ZNF609: variants seen among roughly 807,000 people sequenced by gnomAD.
ZNF609 encodes the protein zinc finger protein 609.
Under a neutral mutation model 109.5 loss-of-function variants are expected in ZNF609, and 11 were observed. The ratio of observed to expected loss-of-function variants is 0.10; its 90% CI spans 0.06 to 0.17. The LOEUF is 0.17. Among genes scored for constraint, ZNF609 ranks in the 10% least tolerant of loss-of-function variants. ZNF609 has a pLI of 1.00. For synonymous variants in ZNF609, 646 were observed against 662.0 expected (o/e 0.98, Z 0.37); for missense variants, 1,559 against 1,772.4 (o/e 0.88, Z 2.16).
At chr15:64,507,240 G>T (rs918352258) in intron 2 of ZNF609, among the ~76,000 whole-genome samples, 3 of 152,190 alleles carry the variant, frequency 2.0e-5, no homozygotes, top group African/African-American at 7.2e-5. Context: ...ACACAAGACT[G>T]CATGGAAAAA....
In ZNF609 at chr15:64,676,048, G is replaced by T. The variant is rs201049141; in HGVS notation, c.3194G>T (p.Gly1065Val). 29 of 1,614,090 alleles carry T rather than the reference G, an allele frequency of 1.8e-5. No individual in the cohort carries two copies. Among genetic ancestry groups the T allele is most frequent in the Non-Finnish European group, 2.1e-5 (25 of 1,180,042 alleles). ...SLTDLVKSGP[G>V]KAKEPGADPA... ...ACAGACCTGGTGAAATCAGGACCTGGCAAGGCCAAGGAGCCAGGGGCTGAC... is the reference window on the plus strand; with the variant it reads ...ACAGACCTGGTGAAATCAGGACCTGTCAAGGCCAAGGAGCCAGGGGCTGAC... The change falls in exon 5 of 10, where the codon GGC becomes GTC. Residue 1065 changes from glycine (G) to valine (V), a missense_variant. Gly to Val is a moderately radical substitution (Grantham distance 109, BLOSUM62 -3). This residue lies in a region of ZNF609 where 1,204 missense variants were observed against 1,314.1 expected (regional missense o/e 0.92). Transcript: ENST00000326648.
chr15:64,546,535 C>T (rs920475646), intron 2 of ZNF609, among the ~76,000 whole-genome samples: 8 of 148,342 alleles, frequency 5.4e-5, no homozygotes, highest in South Asian at 4.4e-4. Flanking sequence ...TGCGGTGGTG[C>T]GATCAGGGCT....
At chr15:64,571,180 A>T (rs1894854860) in intron 2 of ZNF609, among the ~76,000 whole-genome samples, 1 of 152,190 alleles carries the variant, frequency 6.6e-6, no homozygotes, top group South Asian at 2.1e-4. Context: ...CCAAGAGGGG[A>T]AAATAGGAAT....
In ZNF609 at chr15:64,674,704, A is replaced by G. The variant is rs771980347; in HGVS notation, c.1850A>G (p.Asp617Gly). 3 of 1,614,142 alleles carry G rather than the reference A, an allele frequency of 1.9e-6. No individual in the cohort carries two copies. Among genetic ancestry groups the G allele is most frequent in the South Asian group, 1.1e-5 (1 of 91,076 alleles). ...TCTGATGATGGACCCTCAGTGATGG[A>G]TGAAACAAGCAATGATGCCTTTGAT... ...DGSDDGPSVM[D>G]ETSNDAFDSL... is the part of the protein sequence containing the mutation. The change falls in exon 5 of 10, where the codon GAT becomes GGT. Residue 617 changes from aspartate (D) to glycine (G), a missense_variant. Transcript: ENST00000326648.
intron 2 of ZNF609, among the ~76,000 whole-genome samples, chr15:64,615,555 C>T (rs922856071): frequency 6.6e-6 from 1 of 150,416 alleles, no homozygotes; most frequent in Non-Finnish European, 1.5e-5. Context: ...AGCACGATCT[C>T]GGCTCACTAC....
At chr15:64,585,406 T>G (rs1895179806) in intron 2 of ZNF609, among the ~76,000 whole-genome samples, 1 of 152,160 alleles carries the variant, frequency 6.6e-6, no homozygotes, top group African/African-American at 2.4e-5. Context: ...TAATTCACAA[T>G]GGTCTTATGC....
At chr15:64,600,349 C>T (rs1895474624) in intron 2 of ZNF609, among the ~76,000 whole-genome samples, 1 of 148,822 alleles carries the variant, frequency 6.7e-6, no homozygotes, top group Non-Finnish European at 1.5e-5. Flanking sequence ...ACTCAGGAGG[C>T]TGAGGCAGGA....
At chr15:64,532,006 T>C (rs1894070598) in intron 2 of ZNF609, among the ~76,000 whole-genome samples, 1 of 152,196 alleles carries the variant, frequency 6.6e-6, no homozygotes, top group African/African-American at 2.4e-5. Context: ...TCTGTGCTTC[T>C]CTCTGCCATA....
At chr15:64,602,718 T>A (rs1895521105) in intron 2 of ZNF609, among the ~76,000 whole-genome samples, 2 of 6,016 alleles carry the variant, frequency 3.3e-4, no homozygotes, top group Non-Finnish European at 2.9e-3. Flanking sequence ...TTTTCTTTCT[T>A]TTTTTTTTTT....
Position 64,529,888 on chromosome 15 carries a change from G to A in ZNF609, c.747+29722G>A, listed in dbSNP as rs539718514. On this transcript the variant is annotated intron_variant, in intron 2 of 9. Transcript: ENST00000326648. Reference sequence around the variant, plus strand: ...TGGGATTACAGGCATGCGTCACCACGCCTGGCTAATTTTGTATTTTTAGTA... The same window carrying A: ...TGGGATTACAGGCATGCGTCACCACACCTGGCTAATTTTGTATTTTTAGTA... 7.9e-5 allele frequency among the ~76,000 whole-genome samples: 12 copies of A among 152,220 alleles called. No homozygotes were observed. The South Asian group carries it at 1.5e-3, about 18-fold the overall frequency.
At chr15:64,526,734 C>A (rs1893972641) in intron 2 of ZNF609, among the ~76,000 whole-genome samples, 1 of 152,132 alleles carries the variant, frequency 6.6e-6, no homozygotes, top group Non-Finnish European at 1.5e-5. Context: ...ACCTCCCAGG[C>A]TCAAGCAATC....
intron 2 of ZNF609, chr15:64,529,003 A>G (rs1894014376): frequency 6.6e-7 from 1 of 1,510,396 alleles, no homozygotes. Context: ...CTTCCCGTTC[A>G]GCTCAGGGAT....
At chr15:64,588,392 C>A (rs1213085964) in intron 2 of ZNF609, among the ~76,000 whole-genome samples, 1 of 111,490 alleles carries the variant, frequency 9.0e-6, no homozygotes, top group East Asian at 2.8e-4. Context: ...TGCCCTACTG[C>A]ACTCCAGCCT....
chr15:64,548,010 A>G (rs1367086311), intron 2 of ZNF609, among the ~76,000 whole-genome samples: 2 of 152,212 alleles, frequency 1.3e-5, no homozygotes, highest in African/African-American at 2.4e-5. Context: ...TTATTCAATG[A>G]TGACCCTTTG....
At chr15:64,572,885 G>GA (rs1894879498) in intron 2 of ZNF609, among the ~76,000 whole-genome samples, 1 of 152,240 alleles carries the variant, frequency 6.6e-6, no homozygotes, top group African/African-American at 2.4e-5. Flanking sequence ...TGGACAACAA[G>GA]AGCAAAACTC....
rs139420758 is a variant in ZNF609 at position 64,464,474 on chromosome 15, A to G, written c.-128+3636A>G. On this transcript the variant is annotated intron_variant, in intron 1 of 9. Coordinates refer to ENST00000326648, the MANE Select transcript of ZNF609 (RefSeq NM_015042.2). ...CATGGAAAACTGGTCATGGATGGGAATACTGCCAGGCAGATGGGATTAGCC... is the reference window on the plus strand; with the variant it reads ...CATGGAAAACTGGTCATGGATGGGAGTACTGCCAGGCAGATGGGATTAGCC... 3.1e-3 allele frequency among the ~76,000 whole-genome samples: 474 copies of G among 152,308 alleles called. 5 individuals are homozygous for G. The highest frequency in any genetic ancestry group is 0.011 in the African/African-American group (450 of 41,580).
intron 2 of ZNF609, among the ~76,000 whole-genome samples, chr15:64,595,087 C>T (rs934655515): frequency 1.3e-5 from 2 of 151,376 alleles, no homozygotes; most frequent in Admixed American, 1.3e-4. Flanking sequence ...GGGCCGGGCG[C>T]GGTGGCTCGT....
intron 1 of ZNF609, among the ~76,000 whole-genome samples, chr15:64,497,038 C>T (rs1277772289): frequency 6.6e-6 from 1 of 152,200 alleles, no homozygotes; most frequent in African/African-American, 2.4e-5. Context: ...TGGTCTCAAA[C>T]TCCTGGGCTC....
rs923203042 is a variant in ZNF609, at chr15:64,595,360, CAAAAAAA to C, written c.748-27454_748-27448del. On this transcript the variant is annotated intron_variant, in intron 2 of 9. Coordinates refer to ENST00000326648, the MANE Select transcript of ZNF609 (RefSeq NM_015042.2). The stretch of plus-strand genomic sequence containing the variant: ...TGGGCGACAGAGGAAGATTCCGTCT[CAAAAAAA>C]AAAAAAAAAAAATCGAAGTGCTACA... 9.1e-5 allele frequency among the ~76,000 whole-genome samples: 7 copies of C among 76,792 alleles called. No homozygotes were observed. In the South Asian group the frequency reaches 1.8e-3, roughly 20 times the overall value. 50.4% of individuals were successfully genotyped at this position (76,792 alleles called of 152,430 possible). A position where few individuals can be genotyped will look rare whatever the true frequency, so the allele number is the denominator to read the frequency against.
Sources: allele counts gnomAD v4.1 joint callset (sites outside exome capture counted in the v4.1 genomes callset), GRCh38; gene constraint gnomAD v4.1.1; regional missense constraint gnomAD v4.1.1; transcripts MANE v1.5; gene names NCBI Gene and HGNC (gene_info 2026-07-23, HGNC 2026-07-21).